Variants in GADL1 observed in about 807,000 individuals in gnomAD.
The protein encoded by GADL1 is GAD like acidic amino acid decarboxylase 1.
Under a neutral mutation model 69.5 loss-of-function variants are expected in GADL1, and 71 were observed. That is an observed-to-expected ratio of 1.02 (90% CI 0.84 to 1.25). GADL1 has a LOEUF of 1.25. Ranked by LOEUF, GADL1 falls within the 50% of genes most tolerant of loss-of-function variation. The probability of loss-of-function intolerance (pLI) is 0.00; values close to 1 mark genes in which losing one functional copy is unlikely to be tolerated. For missense variants in GADL1, 737 were observed against 631.8 expected (o/e 1.17, Z -1.79); for synonymous variants, 254 against 214.4 (o/e 1.18, Z -1.62).
Position 30,727,441 on chromosome 3 carries a change from T to TAA in GADL1, c.*799_*800dup, listed in dbSNP as rs1559480843. 9.4e-5 allele frequency: 14 copies of TAA among 148,728 alleles called. No homozygotes were observed. Among genetic ancestry groups the TAA allele is most frequent in the Non-Finnish European group, 1.8e-4 (12 of 67,440 alleles). The allele number at this position is 148,728 out of a possible 1,614,324, so 9.2% of individuals were successfully genotyped here. A position where few individuals can be genotyped will look rare whatever the true frequency, so the allele number is the denominator to read the frequency against. ...GTGTGTGTATATATATATATATATA[T>TAA]AATTTTAACTTTTGAGAATGGATAA... On this transcript the variant is annotated 3_prime_UTR_variant, in exon 15 of 15. Transcript: ENST00000282538.
chr3:30,736,419 T>A (rs1388889706), intron 14 of GADL1, among the ~76,000 whole-genome samples: 2 of 152,110 alleles, frequency 1.3e-5, no homozygotes, highest in East Asian at 3.9e-4. Flanking sequence ...CTAAATGAAA[T>A]AATGAGAACA....
intron 11 of GADL1, among the ~76,000 whole-genome samples, chr3:30,825,337 TAA>T (rs1420925223): frequency 1.3e-5 from 2 of 151,990 alleles, no homozygotes; most frequent in Non-Finnish European, 2.9e-5. Flanking sequence ...ATACAATTAC[TAA>T]AAGTTTATAT....
chr3:30,809,028 G>T (rs1697308122), intron 11 of GADL1, among the ~76,000 whole-genome samples: 1 of 152,154 alleles, frequency 6.6e-6, no homozygotes, highest in Non-Finnish European at 1.5e-5. Flanking sequence ...TACTGTAAGA[G>T]CTATTCACTT....
chr3:30,761,509 C>T (rs1411311321), intron 14 of GADL1, among the ~76,000 whole-genome samples: 1 of 152,102 alleles, frequency 6.6e-6, no homozygotes, highest in Non-Finnish European at 1.5e-5. Context: ...TATATTTTAG[C>T]TCCTATACTA....
At chr3:30,755,612 A>AAT (rs1695949750) in intron 14 of GADL1, among the ~76,000 whole-genome samples, 6 of 152,238 alleles carry the variant, frequency 3.9e-5, no homozygotes, top group African/African-American at 1.4e-4. Flanking sequence ...AGTTGTAGAA[A>AAT]ATATATACTA....
Position 30,767,247 on chromosome 3 carries a change from G to C in GADL1, c.1392+10932C>G, listed in dbSNP as rs536652109. On this transcript the variant is annotated intron_variant, in intron 14 of 14. Transcript: ENST00000282538. ...GAATCAGTGATTTAATCTTCAATAAGAATATTTAAAAGATGCCCTTTTTAA... is the reference window on the plus strand; with the variant it reads ...GAATCAGTGATTTAATCTTCAATAACAATATTTAAAAGATGCCCTTTTTAA... Among the ~76,000 whole-genome samples the C allele has an allele frequency of 1.2e-4, 19 of 152,150 alleles. No individual in the cohort carries two copies. In the East Asian group the frequency reaches 3.7e-3, roughly 29 times the overall value.
At chr3:30,776,758 A>C (rs1696549899) in intron 14 of GADL1, among the ~76,000 whole-genome samples, 1 of 152,102 alleles carries the variant, frequency 6.6e-6, no homozygotes, top group African/African-American at 2.4e-5. Flanking sequence ...CAAAAATCCC[A>C]AGCTTTCTGC....
At chr3:30,806,812 C>T (rs1236017987) in intron 11 of GADL1, among the ~76,000 whole-genome samples, 1 of 152,200 alleles carries the variant, frequency 6.6e-6, no homozygotes, top group African/African-American at 2.4e-5. Context: ...TGGGCCATAG[C>T]TGGAGAGTTC....
At position 30,733,810 on chromosome 3, in the gene GADL1, G is replaced by A. The variant is rs189793460; in HGVS notation, c.1393-5395C>T. ...TTCAGGGCATGAACAGCATCAAGGG[G>A]AGAGCTTAAGTGGAAGGATTTCAGT... On this transcript the variant is annotated intron_variant, in intron 14 of 14. Coordinates refer to ENST00000282538, the MANE Select transcript of GADL1 (RefSeq NM_207359.3). Among the ~76,000 whole-genome samples the A allele has an allele frequency of 9.0e-4, 137 of 152,288 alleles. 1 individual carries two copies. The East Asian group carries it at 0.022, about 25-fold the overall frequency.
chr3:30,794,282 G>T (rs1346086243), intron 12 of GADL1, among the ~76,000 whole-genome samples: 1 of 101,016 alleles, frequency 9.9e-6, no homozygotes, highest in Non-Finnish European at 2.0e-5. Flanking sequence ...GTAGCAGAGT[G>T]GGAGTTCCTG....
intron 14 of GADL1, among the ~76,000 whole-genome samples, chr3:30,763,150 C>T (rs574197091): frequency 6.6e-5 from 10 of 152,208 alleles, no homozygotes; most frequent in Admixed American, 2.6e-4. Flanking sequence ...TGTATTTATA[C>T]ATATACATAC....
intron 11 of GADL1, among the ~76,000 whole-genome samples, chr3:30,809,266 G>T (rs1300199870): frequency 6.6e-6 from 1 of 152,096 alleles, no homozygotes; most frequent in Non-Finnish European, 1.5e-5. Flanking sequence ...TTCTGCTGTA[G>T]ATTTTTCATT....
chr3:30,766,241 G>C (rs1402325551), intron 14 of GADL1, among the ~76,000 whole-genome samples: 3 of 152,156 alleles, frequency 2.0e-5, no homozygotes, highest in Non-Finnish European at 4.4e-5. Context: ...AGGCATCAGG[G>C]ATGAAAGCAG....
intron 9 of GADL1, 53 bp downstream of exon 9, chr3:30,838,944 A>C: frequency 9.1e-7 from 1 of 1,093,692 alleles, no homozygotes; most frequent in Non-Finnish European, 1.3e-6. Context: ...ATTTCTACCA[A>C]GGCTACAAAA....
rs185741571 is a variant in GADL1, at chr3:30,746,476, T to C, written c.1393-18061A>G. Reference sequence around the variant, plus strand: ...AAAGGAACATGAAGAACATGAGAGATGCTAATAGTCATCACCATCAATATT... The same window carrying C: ...AAAGGAACATGAAGAACATGAGAGACGCTAATAGTCATCACCATCAATATT... On this transcript the variant is annotated intron_variant, in intron 14 of 14. Transcript: ENST00000282538. Among the ~76,000 whole-genome samples, 54 of 152,266 alleles carry C rather than the reference T, an allele frequency of 3.5e-4. 2 individuals are homozygous for C. The East Asian group carries it at 9.4e-3, about 27-fold the overall frequency.
At chr3:30,833,960 T>C (rs758274569) in intron 10 of GADL1, 26 bp from the exon 11 acceptor site, 2 of 1,526,570 alleles carry the variant, frequency 1.3e-6, no homozygotes, top group Admixed American at 1.7e-5. Context: ...AGGGACAGAG[T>C]AGGGAGAGGA....
intron 14 of GADL1, among the ~76,000 whole-genome samples, chr3:30,731,912 G>A (rs563411827): frequency 2.0e-4 from 30 of 152,324 alleles, no homozygotes; most frequent in Admixed American, 2.6e-4. Flanking sequence ...TCTGCTGGTA[G>A]TAGTAGTTGT....
chr3:30,758,401 C>T (rs889769398), intron 14 of GADL1, among the ~76,000 whole-genome samples: 2 of 104,196 alleles, frequency 1.9e-5, no homozygotes, highest in Non-Finnish European at 3.9e-5. Context: ...CACTTTGCTC[C>T]GTATTGCCTT....
intron 12 of GADL1, among the ~76,000 whole-genome samples, chr3:30,794,124 A>G (rs1214458329): frequency 1.3e-5 from 2 of 152,196 alleles, no homozygotes; most frequent in Non-Finnish European, 2.9e-5. Context: ...CAAAAGCACC[A>G]TTGTGTAACT....
Sources: gnomAD v4.1 joint callset for allele counts (sites outside exome capture counted in the v4.1 genomes callset) on GRCh38, gnomAD v4.1.1 for gene constraint, MANE v1.5 for transcripts, NCBI Gene and HGNC (gene_info 2026-07-23, HGNC 2026-07-21) for gene names.